SV2B: variants seen among roughly 807,000 people sequenced by gnomAD.
SV2B encodes solute carrier family 22 member B2.
SV2B carries 41 observed loss-of-function variants against 73.9 expected under a neutral mutation model. The observed-to-expected ratio is 0.56, with a 90% CI of 0.43 to 0.72. SV2B has a LOEUF of 0.72. Among genes scored for constraint, SV2B ranks in the 30% least tolerant of loss-of-function variants. The pLI is 0.00. For synonymous variants in SV2B, 314 were observed against 314.2 expected (o/e 1.00, Z 0.01); for missense variants, 764 against 857.8 (o/e 0.89, Z 1.37).
chr15:91,158,260 T>C (rs927252987), intron 1 of SV2B, among the ~76,000 whole-genome samples: 1 of 152,158 alleles, frequency 6.6e-6, no homozygotes, highest in African/African-American at 2.4e-5. Flanking sequence ...AAGACATGGG[T>C]TTCAGCACTT....
chr15:91,278,635 C>T (rs1302402140), intron 9 of SV2B, among the ~76,000 whole-genome samples: 2 of 104,270 alleles, frequency 1.9e-5, no homozygotes, highest in Admixed American at 8.7e-5. Context: ...GCCGAGATTG[C>T]GCCACTGCAG....
At chr15:91,238,621 T>G (rs2046882838) in intron 2 of SV2B, among the ~76,000 whole-genome samples, 1 of 152,244 alleles carries the variant, frequency 6.6e-6, no homozygotes, top group Admixed American at 6.5e-5. Flanking sequence ...AGCCCATCTC[T>G]GTAGGCGAGA....
In SV2B at chr15:91,296,802, C is replaced by T. The variant is rs1305379547; in HGVS notation, c.*4250C>T. The stretch of plus-strand genomic sequence containing the variant: ...TCCTTCTGCCCAATCATTGGGCTCA[C>T]GCTCCTTCTGCCCGATCGCTGGGCT... On this transcript the variant is annotated 3_prime_UTR_variant, in exon 13 of 13. Transcript: ENST00000394232. The T allele has an allele frequency of 5.3e-5, 8 of 150,982 alleles. No homozygotes were observed. The highest frequency in any genetic ancestry group is 1.8e-4 in the South Asian group (1 of 5,586). 9.4% of individuals were successfully genotyped at this position (150,982 alleles called of 1,614,324 possible).
intron 1 of SV2B, among the ~76,000 whole-genome samples, chr15:91,222,263 G>A (rs1162311013): frequency 6.6e-6 from 1 of 152,102 alleles, no homozygotes; most frequent in African/African-American, 2.4e-5. Flanking sequence ...CTGTAAAATG[G>A]GCGCAATAAT....
chr15:91,261,984 T>G lies in SV2B; in HGVS notation c.1008+1575T>G, dbSNP rs2047924968. ...TCCTGGAGTAACTCCTACCTAACTT[T>G]GATTCACTGCTTTTATTTTTTAGCT... On this transcript the variant is annotated intron_variant, in intron 6 of 12. Coordinates refer to ENST00000394232, the MANE Select transcript of SV2B (RefSeq NM_001323032.3). This position sits in a 1 kb window ranked among gnomAD's most constrained non-coding sequence, Gnocchi z 4.7. 6.6e-6 allele frequency among the ~76,000 whole-genome samples: 1 copy of G among 152,200 alleles called. No individual in the cohort carries two copies. Among genetic ancestry groups the G allele is most frequent in the Admixed American group, 6.5e-5 (1 of 15,288 alleles).
intron 1 of SV2B, among the ~76,000 whole-genome samples, chr15:91,134,280 G>A (rs1340457763): frequency 6.6e-6 from 1 of 152,156 alleles, no homozygotes; most frequent in Non-Finnish European, 1.5e-5. Flanking sequence ...TTACAGGCGT[G>A]AGCCACAGGC....
intron 9 of SV2B, among the ~76,000 whole-genome samples, chr15:91,271,688 G>A (rs992897574): frequency 5.3e-5 from 8 of 152,072 alleles, no homozygotes; most frequent in Non-Finnish European, 7.4e-5. Flanking sequence ...CTCCTTGACT[G>A]GTTAGGAACC....
In SV2B at chr15:91,123,634, G is replaced by T. The variant is rs1393366197; in HGVS notation, c.-392+23271G>T. On this transcript the variant is annotated intron_variant, in intron 1 of 12. Coordinates refer to ENST00000394232, the MANE Select transcript of SV2B (RefSeq NM_001323032.3). This position sits in a 1 kb window ranked among gnomAD's most constrained non-coding sequence, Gnocchi z 4.7. ...GGCACACAAATGGGGAGGTGTGCCT[G>T]AGGATTTGCATTTGCTGAAGGCCAG... Among the ~76,000 whole-genome samples the T allele has an allele frequency of 6.6e-6, 1 of 152,164 alleles. No homozygotes were observed. Among genetic ancestry groups the T allele is most frequent in the African/African-American group, 2.4e-5 (1 of 41,432 alleles).
chr15:91,196,799 T>A (rs1274975080), intron 1 of SV2B, among the ~76,000 whole-genome samples: 1 of 152,104 alleles, frequency 6.6e-6, no homozygotes, highest in Non-Finnish European at 1.5e-5. Context: ...GTAAAATGAG[T>A]GATAGCCCTT....
intron 9 of SV2B, among the ~76,000 whole-genome samples, chr15:91,279,006 A>C (rs2048595849): frequency 6.6e-6 from 1 of 152,330 alleles, no homozygotes; most frequent in East Asian, 1.9e-4. Context: ...CTTTCAAAAA[A>C]GGCAATTGAA....
chr15:91,297,790 A>G lies in SV2B; in HGVS notation c.*5238A>G, dbSNP rs537344867. On this transcript the variant is annotated 3_prime_UTR_variant, in exon 13 of 13. Transcript: ENST00000394232. This position sits in a 1 kb window ranked among gnomAD's most constrained non-coding sequence, Gnocchi z 5.1. ...GTGCAACAGTAACCCAAAAATGTCA[A>G]TGAAAATATTTCCTTCCCCAGAAAC... 3 of 152,320 alleles carry G rather than the reference A, an allele frequency of 2.0e-5. No homozygotes were observed. The highest frequency in any genetic ancestry group is 2.9e-5 in the Non-Finnish European group (2 of 68,022). 9.4% of individuals were successfully genotyped at this position (152,320 alleles called of 1,614,324 possible). A position where few individuals can be genotyped will look rare whatever the true frequency, so the allele number is the denominator to read the frequency against.
intron 6 of SV2B, among the ~76,000 whole-genome samples, chr15:91,264,280 T>C (rs957518080): frequency 2.0e-5 from 3 of 152,274 alleles, no homozygotes; most frequent in Admixed American, 1.3e-4. Context: ...CGATGCATTC[T>C]ACTGTGTGAA....
chr15:91,208,173 C>T (rs962302474), intron 1 of SV2B, among the ~76,000 whole-genome samples: 7 of 152,210 alleles, frequency 4.6e-5, no homozygotes, highest in Admixed American at 6.5e-5. Flanking sequence ...CTGGAGCTTT[C>T]ACGATGTAGT....
At chr15:91,112,872 A>G (rs987045723) in intron 1 of SV2B, among the ~76,000 whole-genome samples, 5 of 152,200 alleles carry the variant, frequency 3.3e-5, no homozygotes, top group Non-Finnish European at 7.4e-5. Flanking sequence ...GCTGGATTAC[A>G]GTGGTGCCGT....
In SV2B at chr15:91,296,609, G is replaced by A. The variant is rs373866891; in HGVS notation, c.*4057G>A. 216 of 144,756 alleles carry A rather than the reference G, an allele frequency of 1.5e-3. No individual in the cohort carries two copies. The highest frequency in any genetic ancestry group is 4.7e-3 in the African/African-American group (169 of 36,084). 9.0% of individuals were successfully genotyped at this position (144,756 alleles called of 1,614,324 possible). ...CCTTCTGCCTGATCATTGGGAGCAC[G>A]CTCCTTCTGCCTGATCGTTGGGAGC... On this transcript the variant is annotated 3_prime_UTR_variant, in exon 13 of 13. Coordinates refer to ENST00000394232, the MANE Select transcript of SV2B (RefSeq NM_001323032.3).
rs2141674287 is a variant in SV2B at position 91,265,204 on chromosome 15, A to G, written c.1009-1378A>G. On this transcript the variant is annotated intron_variant, in intron 6 of 12. Coordinates refer to ENST00000394232, the MANE Select transcript of SV2B (RefSeq NM_001323032.3). The surrounding 1 kb of genome is among the most constrained non-coding windows in gnomAD (Gnocchi z 4.2). ...TGGAGGGAGAGCTTAGGGCAGTCAC[A>G]CTCTTAGTTGATGCCCATGCCGTGA... Among the ~76,000 whole-genome samples the G allele has an allele frequency of 6.6e-6, 1 of 152,054 alleles. No homozygotes were observed. Among genetic ancestry groups the G allele is most frequent in the East Asian group, 1.9e-4 (1 of 5,150 alleles).
chr15:91,165,540 G>T (rs967051437), intron 1 of SV2B, among the ~76,000 whole-genome samples: 4 of 152,076 alleles, frequency 2.6e-5, no homozygotes, highest in Admixed American at 2.0e-4. Flanking sequence ...TTAATATAAA[G>T]AACTTGAGCA....
chr15:91,160,116 A>C (rs931086684), intron 1 of SV2B, among the ~76,000 whole-genome samples: 1 of 152,226 alleles, frequency 6.6e-6, no homozygotes, highest in Non-Finnish European at 1.5e-5. Flanking sequence ...GAAGATTAAC[A>C]TCATAAATAT....
At chr15:91,190,929 T>C (rs2044986362) in intron 1 of SV2B, among the ~76,000 whole-genome samples, 1 of 152,080 alleles carries the variant, frequency 6.6e-6, no homozygotes, top group African/African-American at 2.4e-5. Context: ...ATTTTGTTCA[T>C]GATCATTATA....
Sources: allele counts gnomAD v4.1 joint callset (sites outside exome capture counted in the v4.1 genomes callset), GRCh38; gene constraint gnomAD v4.1.1; non-coding constraint Gnocchi (gnomAD v3.1); transcripts MANE v1.5; gene names NCBI Gene and HGNC (gene_info 2026-07-23, HGNC 2026-07-21).